The following TAB1 variants were observed in gnomAD, a reference collection of about 807,000 sequenced individuals.
The protein encoded by TAB1 is TGF-beta-activated kinase 1 and MAP3K7-binding protein 1.
A neutral mutation model predicts 54.5 loss-of-function variants in TAB1; 30 were observed. The observed-to-expected ratio is 0.55, with a 90% CI of 0.41 to 0.75. The LOEUF is 0.75. Ranked by LOEUF, TAB1 falls within the 30% of genes least tolerant of loss-of-function variation. The pLI, the probability that TAB1 is intolerant of heterozygous loss-of-function variation, is 0.00. For synonymous variants in TAB1, 289 were observed against 286.9 expected, an observed-to-expected ratio of 1.01 and a Z score of -0.07; for missense variants, 609 against 683.2, an observed-to-expected ratio of 0.89 and a Z score of 1.21.
chr22:39,407,046 TC>T (rs1308641954), intron 1 of TAB1, among the ~76,000 whole-genome samples: 34 of 152,340 alleles, frequency 2.2e-4, no homozygotes, highest in Admixed American at 7.2e-4. Context: ...TTCAAAACTT[TC>T]GACAGTCTGG....
intron 7 of TAB1, among the ~76,000 whole-genome samples, chr22:39,421,407 A>G (rs1233434819): frequency 1.3e-5 from 2 of 152,104 alleles, no homozygotes; most frequent in South Asian, 2.1e-4. Flanking sequence ...TCACTAAAGG[A>G]TCCCTGTACA....
intron 5 of TAB1, 62 bp from the exon 6 acceptor site, chr22:39,418,670 C>G (rs902582839): frequency 3.2e-6 from 4 of 1,269,474 alleles, no homozygotes; most frequent in Non-Finnish European, 4.6e-6. Flanking sequence ...TCTCTGCCTT[C>G]CCGGTATGCC....
rs147584684 is a variant in TAB1 at position 39,419,532 on chromosome 22, A to G, written c.678A>G (p.Gly226=). 352 of 1,608,962 alleles carry G rather than the reference A, an allele frequency of 2.2e-4. No homozygotes were observed. In the African/African-American group the frequency reaches 4.2e-3, roughly 19 times the overall value. Residue 226 remains glycine (G), a synonymous_variant, in exon 7 of 11, where the codon GGA becomes GGG. Coordinates refer to ENST00000216160, the MANE Select transcript of TAB1 (RefSeq NM_006116.3). ...FRLSQLGLDA[G]KIKQVGIICG... ...TTCCCTCCGTAGGCTTGGATGCTGG[A>G]AAGATCAAGCAGGTGGGGATCATCT... is the stretch of plus-strand genomic sequence containing the variant.
intron 10 of TAB1, among the ~76,000 whole-genome samples, chr22:39,428,900 CTG>C (rs1395895973): frequency 6.6e-6 from 1 of 152,260 alleles, no homozygotes; most frequent in Non-Finnish European, 1.5e-5. Context: ...CCCTCTGCCT[CTG>C]GGTTGTGGAT....
At position 39,429,709 on chromosome 22, in the gene TAB1, T is replaced by C. The variant is rs1045776604; in HGVS notation, c.1308-306T>C. ...GTTGGCCAGGCTGATCTCGAACTCC[T>C]GACCTCAGGTGATCCACCCGTCTTG... is the stretch of plus-strand genomic sequence containing the variant. On this transcript the variant is annotated intron_variant, in intron 10 of 10. Transcript: ENST00000216160. 3 of 525,328 alleles carry C rather than the reference T, an allele frequency of 5.7e-6. No individual in the cohort carries two copies. The African/African-American group carries it at 6.2e-5, about 11-fold the overall frequency. 32.5% of individuals were successfully genotyped at this position (525,328 alleles called of 1,614,324 possible). A position where few individuals can be genotyped will look rare whatever the true frequency, so the allele number is the denominator to read the frequency against.
intron 1 of TAB1, among the ~76,000 whole-genome samples, chr22:39,409,733 C>T (rs1041723688): frequency 1.3e-5 from 2 of 152,144 alleles, no homozygotes; most frequent in Non-Finnish European, 1.5e-5. Context: ...CTAGAGGCCC[C>T]CACCGCCCAT....
chr22:39,417,936 G>T, intron 5 of TAB1, 87 bp downstream of exon 5: 1 of 1,495,298 alleles, frequency 6.7e-7, no homozygotes, highest in South Asian at 1.4e-5. Context: ...CTGCTTTCCA[G>T]ACACTTCACG....
At chr22:39,433,468 G>A, downstream of TAB1, 1 of 892,808 alleles carries the variant, frequency 1.1e-6, no homozygotes, top group Non-Finnish European at 1.3e-6. Context: ...AAAAAAAAAA[G>A]ACATCAGTCT....
chr22:39,431,533 G>A lies in TAB1; in HGVS notation c.*1311G>A. ...TAGCCGCTGTCGCACAGCCTCTGGG[G>A]TGCTTGGTCTCTGCGAAGTCAAAGG... On this transcript the variant is annotated 3_prime_UTR_variant, in exon 11 of 11. Transcript: ENST00000216160. The A allele has an allele frequency of 2.0e-6, 2 of 985,564 alleles. No homozygotes were observed. Among genetic ancestry groups the A allele is most frequent in the South Asian group, 9.4e-5 (2 of 21,290 alleles). The allele number at this position is 985,564 out of a possible 1,614,324, so 61.1% of individuals were successfully genotyped here. A position where few individuals can be genotyped will look rare whatever the true frequency, so the allele number is the denominator to read the frequency against.
Position 39,426,796 on chromosome 22 carries a change from A to C in TAB1, c.1015A>C (p.Ser339Arg). 6.2e-7 allele frequency: 1 copy of C among 1,614,078 alleles called. No individual in the cohort carries two copies. The change falls in exon 9 of 11, where the codon AGC (serine) becomes CGC (arginine). Residue 339 changes from serine (S) to arginine (R), a missense_variant. Physicochemically the swap from Ser to Arg is moderately radical, Grantham distance 110. Transcript: ENST00000216160. The part of the protein sequence containing the change: ...AVVDRVKRIH[S>R]DTFASGGERA... ...CGTGGACCGGGTGAAGCGCATCCAC[A>C]GCGACACCTTCGCCAGTGGTGGGGA... is the stretch of plus-strand genomic sequence containing the variant.
chr22:39,412,403 G>A (rs1926643957), intron 1 of TAB1, among the ~76,000 whole-genome samples: 4 of 152,180 alleles, frequency 2.6e-5, no homozygotes, highest in Non-Finnish European at 4.4e-5. Flanking sequence ...CAGGGATTAG[G>A]GGAGGGAGTG....
chr22:39,431,549 A>G lies in TAB1; in HGVS notation c.*1327A>G, dbSNP rs890616863. ...GCCTCTGGGGTGCTTGGTCTCTGCG[A>G]AGTCAAAGGCCTGACAGCTCTGTGG... On this transcript the variant is annotated 3_prime_UTR_variant, in exon 11 of 11. Coordinates refer to ENST00000216160, the MANE Select transcript of TAB1 (RefSeq NM_006116.3). 1.9e-5 allele frequency: 19 copies of G among 985,356 alleles called. No homozygotes were observed. Among genetic ancestry groups the G allele is most frequent in the Admixed American group, 6.2e-5 (1 of 16,258 alleles). 61.0% of individuals were successfully genotyped at this position (985,356 alleles called of 1,614,324 possible). A position where few individuals can be genotyped will look rare whatever the true frequency, so the allele number is the denominator to read the frequency against.
intron 8 of TAB1, among the ~76,000 whole-genome samples, chr22:39,425,325 G>A (rs964890077): frequency 2.0e-5 from 3 of 151,894 alleles, no homozygotes; most frequent in African/African-American, 7.3e-5. Context: ...GGAACTTGCA[G>A]TGAGCTGAGA....
At chr22:39,418,594 C>A in intron 5 of TAB1, 138 bp from the exon 6 acceptor site, 1 of 642,120 alleles carries the variant, frequency 1.6e-6, no homozygotes, top group Non-Finnish European at 2.9e-6. Flanking sequence ...GGTGACTCAC[C>A]CCGTTGGTCT....
chr22:39,399,877 TG>T (rs763593055), intron 1 of TAB1, 42 bp downstream of exon 1: 13 of 1,569,144 alleles, frequency 8.3e-6, no homozygotes, highest in Non-Finnish European at 1.1e-5. Flanking sequence ...GTTGGGAGCC[TG>T]GGCGGGGGTG....
intron 1 of TAB1, among the ~76,000 whole-genome samples, chr22:39,400,960 G>A (rs1349705139): frequency 6.6e-6 from 1 of 151,454 alleles, no homozygotes; most frequent in African/African-American, 2.4e-5. Context: ...CTTGAACACA[G>A]GAGGCGGAGC....
intron 1 of TAB1, among the ~76,000 whole-genome samples, chr22:39,404,643 T>C (rs1229870314): frequency 1.3e-5 from 2 of 152,084 alleles, no homozygotes. Context: ...TCTGAGATCA[T>C]AGGTGCTGCT....
At chr22:39,418,673 G>C in intron 5 of TAB1, 59 bp from the exon 6 acceptor site, 1 of 1,289,478 alleles carries the variant, frequency 7.8e-7, no homozygotes. Flanking sequence ...CTGCCTTCCC[G>C]GTATGCCCTA....
At chr22:39,420,762 A>G (rs1927033883) in intron 7 of TAB1, among the ~76,000 whole-genome samples, 1 of 146,240 alleles carries the variant, frequency 6.8e-6, no homozygotes, top group Admixed American at 7.0e-5. Flanking sequence ...GCACATATAC[A>G]CACACGGTGT....
Sources: gnomAD v4.1 joint callset for allele counts (sites outside exome capture counted in the v4.1 genomes callset) on GRCh38, gnomAD v4.1.1 for gene constraint, MANE v1.5 for transcripts, NCBI Gene and HGNC (gene_info 2026-07-23, HGNC 2026-07-21) for gene names.